Variants in FAM168A observed in about 807,000 individuals in gnomAD.
FAM168A encodes the protein protein FAM168A.
Under a neutral mutation model 28.5 loss-of-function variants are expected in FAM168A, and 3 were observed. The ratio of observed to expected loss-of-function variants is 0.11; its 90% confidence interval spans 0.05 to 0.27. The LOEUF is 0.27. FAM168A is among the 10% of genes least tolerant of loss of function. The probability of loss-of-function intolerance (pLI) is 1.00; values close to 1 mark genes in which losing one functional copy is unlikely to be tolerated. For missense variants in FAM168A, 222 were observed against 311.5 expected (o/e 0.71, Z 2.16); for synonymous variants, 122 against 124.2 (o/e 0.98, Z 0.12).
intron 1 of FAM168A, among the ~76,000 whole-genome samples, chr11:73,502,268 AG>A (rs1440056791): frequency 1.1e-4 from 17 of 152,148 alleles, no homozygotes; most frequent in Admixed American, 1.1e-3. Flanking sequence ...AGACTAATGA[AG>A]AGAGAAGAAT....
intron 1 of FAM168A, among the ~76,000 whole-genome samples, chr11:73,540,693 T>A (rs756728843): frequency 1.1e-4 from 16 of 152,250 alleles, no homozygotes; most frequent in Non-Finnish European, 2.2e-4. Context: ...AGGCTTTTCT[T>A]GATCATCATC....
rs376101247 is a variant in FAM168A at position 73,526,757 on chromosome 11, A to G, written c.-18-58265T>C. On this transcript the variant is annotated intron_variant, in intron 1 of 7. Coordinates refer to ENST00000356467, the MANE Select transcript of FAM168A (RefSeq NM_015159.3). ...AACTACAGGAAGAAAGTTAAAAGGA[A>G]GAAAGCTAGGTTCACCATATGACTT... Among the ~76,000 whole-genome samples, 67 of 151,986 alleles carry G rather than the reference A, an allele frequency of 4.4e-4. 2 individuals carry two copies. The highest frequency in any genetic ancestry group is 2.9e-3 in the Admixed American group (44 of 15,240).
chr11:73,510,683 T>C (rs1016436282), intron 1 of FAM168A: 10 of 347,990 alleles, frequency 2.9e-5, no homozygotes, highest in African/African-American at 2.1e-4. Flanking sequence ...TTCGGAATAA[T>C]TTCCCATATT....
Position 73,576,372 on chromosome 11 carries a change from C to T in FAM168A, c.-19+21551G>A, listed in dbSNP as rs200062387. On this transcript the variant is annotated intron_variant, in intron 1 of 7. Transcript: ENST00000356467. The stretch of plus-strand genomic sequence containing the variant: ...CCAAATACCACCGGGCAGTTATTTC[C>T]ATGAGAATAAAATCACAATTTATGA... 5.3e-5 allele frequency among the ~76,000 whole-genome samples: 8 copies of T among 152,276 alleles called. No homozygotes were observed. The East Asian group carries it at 1.5e-3, about 29-fold the overall frequency.
At chr11:73,432,592 T>C (rs1867014303) in intron 2 of FAM168A, among the ~76,000 whole-genome samples, 1 of 152,142 alleles carries the variant, frequency 6.6e-6, no homozygotes, top group African/African-American at 2.4e-5. Context: ...TGGAGAAATG[T>C]CTATCCAAAT....
intron 1 of FAM168A, among the ~76,000 whole-genome samples, chr11:73,589,599 A>G (rs745541297): frequency 2.6e-5 from 4 of 152,204 alleles, no homozygotes; most frequent in Non-Finnish European, 5.9e-5. Flanking sequence ...TGACTGGTGT[A>G]GTATCAAAGA....
intron 1 of FAM168A, among the ~76,000 whole-genome samples, chr11:73,510,278 G>A (rs1299528161): frequency 6.6e-6 from 1 of 152,088 alleles, no homozygotes; most frequent in Non-Finnish European, 1.5e-5. Context: ...TAATAAACCT[G>A]AGAGGTTATT....
chr11:73,499,061 C>T (rs1253961313), intron 1 of FAM168A, among the ~76,000 whole-genome samples: 1 of 152,160 alleles, frequency 6.6e-6, no homozygotes, highest in African/African-American at 2.4e-5. Flanking sequence ...CAAGACCCTT[C>T]GACAGGGTTG....
chr11:73,514,652 C>T (rs1351692045), intron 1 of FAM168A, among the ~76,000 whole-genome samples: 1 of 152,026 alleles, frequency 6.6e-6, no homozygotes, highest in Non-Finnish European at 1.5e-5. Context: ...AGCAACATGG[C>T]AAGACCCCTG....
At chr11:73,589,815 T>C (rs1180994725) in intron 1 of FAM168A, among the ~76,000 whole-genome samples, 1 of 152,048 alleles carries the variant, frequency 6.6e-6, no homozygotes, top group African/African-American at 2.4e-5. Context: ...TAGTCCCAGC[T>C]ATTTGGGAGG....
intron 1 of FAM168A, among the ~76,000 whole-genome samples, chr11:73,529,796 CTTT>C (rs772530179): frequency 8.6e-5 from 11 of 127,488 alleles, no homozygotes; most frequent in Admixed American, 1.6e-4. Flanking sequence ...ACTTTTTCTT[CTTT>C]TTTTTTTTTT....
At chr11:73,569,496 T>C (rs2134717002) in intron 1 of FAM168A, among the ~76,000 whole-genome samples, 1 of 152,208 alleles carries the variant, frequency 6.6e-6, no homozygotes, top group East Asian at 1.9e-4. Flanking sequence ...AGTATCTATT[T>C]TACATACGAA....
intron 1 of FAM168A, among the ~76,000 whole-genome samples, chr11:73,485,038 T>C (rs1371877746): frequency 6.6e-6 from 1 of 152,156 alleles, no homozygotes; most frequent in Non-Finnish European, 1.5e-5. Context: ...GACTAAAATA[T>C]TAATCTCCTT....
intron 1 of FAM168A, among the ~76,000 whole-genome samples, chr11:73,474,475 G>A (rs1867861069): frequency 6.6e-6 from 1 of 152,048 alleles, no homozygotes; most frequent in African/African-American, 2.4e-5. Flanking sequence ...GTAGCTCCCT[G>A]AAAGCTGGCT....
intron 1 of FAM168A, among the ~76,000 whole-genome samples, chr11:73,585,040 C>A (rs1944295334): frequency 6.6e-6 from 1 of 151,572 alleles, no homozygotes; most frequent in South Asian, 2.1e-4. Context: ...ACCAAGAAAT[C>A]CAGGCAAATA....
chr11:73,484,713 T>G (rs539651473), intron 1 of FAM168A, among the ~76,000 whole-genome samples: 33 of 131,162 alleles, frequency 2.5e-4, no homozygotes, highest in Admixed American at 2.0e-3. Context: ...TATATATAGA[T>G]ATATATATAG....
At chr11:73,485,598 T>A (rs1868042631) in intron 1 of FAM168A, among the ~76,000 whole-genome samples, 1 of 152,218 alleles carries the variant, frequency 6.6e-6, no homozygotes, top group Non-Finnish European at 1.5e-5. Context: ...GCTTTTTTAC[T>A]AAATTTACTA....
chr11:73,590,208 C>T (rs1944364919), intron 1 of FAM168A, among the ~76,000 whole-genome samples: 1 of 152,054 alleles, frequency 6.6e-6, no homozygotes. Flanking sequence ...TCAAGACCAG[C>T]CTGGGCAACT....
At chr11:73,562,559 G>A (rs1161388590) in intron 1 of FAM168A, among the ~76,000 whole-genome samples, 2 of 152,170 alleles carry the variant, frequency 1.3e-5, no homozygotes, top group South Asian at 2.1e-4. Flanking sequence ...TGGCACGATC[G>A]CTCATGCTGG....
Sources: gnomAD v4.1 joint callset for allele counts (sites outside exome capture counted in the v4.1 genomes callset) on GRCh38, gnomAD v4.1.1 for gene constraint, MANE v1.5 for transcripts, NCBI Gene and HGNC (gene_info 2026-07-23, HGNC 2026-07-21) for gene names.